The following ZFHX3 variants were observed in gnomAD, a reference collection of about 807,000 sequenced individuals.
ZFHX3 encodes zinc finger homeobox 3.
Under a neutral mutation model 279.1 loss-of-function variants are expected in ZFHX3, and 42 were observed. The observed-to-expected ratio is 0.15, with a 90% CI of 0.12 to 0.19. The LOEUF (loss-of-function observed/expected upper bound fraction) is 0.19, where lower values mean the gene tolerates loss of function less well. Among genes scored for constraint, ZFHX3 ranks in the 10% least tolerant of loss-of-function variants. The pLI is 1.00. For missense variants in ZFHX3, 4,981 were observed against 4,754.0 expected (o/e 1.05, Z -1.40); for synonymous variants, 2,293 against 1,957.8 (o/e 1.17, Z -4.52).
intron 2 of ZFHX3, among the ~76,000 whole-genome samples, chr16:73,668,252 A>C (rs1196607859): frequency 6.6e-6 from 1 of 152,058 alleles, no homozygotes; most frequent in Non-Finnish European, 1.5e-5. Context: ...GAGTTCATTC[A>C]TGTCTACCTA....
chr16:73,637,123 T>A (rs1343849988), intron 2 of ZFHX3, among the ~76,000 whole-genome samples: 1 of 152,016 alleles, frequency 6.6e-6, no homozygotes, highest in African/African-American at 2.4e-5. Context: ...TATAATTTAA[T>A]GTGGCATTTC....
At chr16:72,979,412 C>T (rs1962492326) in intron 1 of ZFHX3, among the ~76,000 whole-genome samples, 1 of 152,192 alleles carries the variant, frequency 6.6e-6, no homozygotes, top group Non-Finnish European at 1.5e-5. Flanking sequence ...AGGTGGCTCT[C>T]CAGACCTCCA....
At chr16:73,771,558 C>T (rs1316154956) in intron 1 of ZFHX3, among the ~76,000 whole-genome samples, 1 of 152,188 alleles carries the variant, frequency 6.6e-6, no homozygotes, top group East Asian at 1.9e-4. Context: ...TCCTCTGAGG[C>T]TGCTGCACAC....
chr16:73,111,889 G>A (rs748449586), intron 7 of ZFHX3, among the ~76,000 whole-genome samples: 2 of 152,122 alleles, frequency 1.3e-5, no homozygotes, highest in Non-Finnish European at 2.9e-5. Flanking sequence ...ATGGGAAAAC[G>A]AGGTTTAACA....
intron 4 of ZFHX3, among the ~76,000 whole-genome samples, chr16:73,260,903 C>T (rs568718924): frequency 3.9e-5 from 6 of 152,094 alleles, no homozygotes; most frequent in East Asian, 1.9e-4. Context: ...AGGCTGGTCT[C>T]GAACTCCTGA....
chr16:73,627,512 T>C (rs924335229), intron 2 of ZFHX3, among the ~76,000 whole-genome samples: 9 of 152,248 alleles, frequency 5.9e-5, no homozygotes, highest in African/African-American at 2.2e-4. Flanking sequence ...TTAATTCTTA[T>C]GATTTGAACT....
intron 4 of ZFHX3, among the ~76,000 whole-genome samples, chr16:73,306,014 T>C (rs1007993459): frequency 6.6e-6 from 1 of 152,198 alleles, no homozygotes. Context: ...TCTGGCTCAG[T>C]GGAACCCGCA....
At chr16:73,352,937 G>C (rs2016274603) in intron 3 of ZFHX3, among the ~76,000 whole-genome samples, 4 of 152,152 alleles carry the variant, frequency 2.6e-5, no homozygotes, top group African/African-American at 2.4e-5. Context: ...TCCCAAGCCT[G>C]TGTGTGTGCC....
intron 1 of ZFHX3, among the ~76,000 whole-genome samples, chr16:73,867,673 G>A (rs1056680666): frequency 2.0e-5 from 3 of 152,192 alleles, no homozygotes; most frequent in African/African-American, 7.2e-5. Flanking sequence ...AGAAGGTATA[G>A]TGGACACCTA....
At chr16:73,509,255 C>G (rs537024603) in intron 2 of ZFHX3, among the ~76,000 whole-genome samples, 1 of 152,138 alleles carries the variant, frequency 6.6e-6, no homozygotes, top group Non-Finnish European at 1.5e-5. Context: ...GCCATTAAAA[C>G]CCAGATCCCT....
At chr16:72,870,324 G>A (rs2038123973) in intron 4 of ZFHX3, among the ~76,000 whole-genome samples, 1 of 152,020 alleles carries the variant, frequency 6.6e-6, no homozygotes, top group Admixed American at 6.6e-5. Context: ...CCCAGGAGGT[G>A]GAGGTTGCAG....
chr16:73,487,175 G>A (rs554302267), intron 2 of ZFHX3, among the ~76,000 whole-genome samples: 3 of 152,326 alleles, frequency 2.0e-5, no homozygotes, highest in African/African-American at 7.2e-5. Flanking sequence ...TAGGGAGAGT[G>A]CTAGGGCAGA....
chr16:73,540,516 AG>A (rs1214841175), intron 2 of ZFHX3, among the ~76,000 whole-genome samples: 1 of 152,228 alleles, frequency 6.6e-6, no homozygotes, highest in Non-Finnish European at 1.5e-5. Flanking sequence ...CAGAGAAAAA[AG>A]ATCAATCATT....
intron 5 of ZFHX3, among the ~76,000 whole-genome samples, chr16:73,227,109 G>A (rs73597355): frequency 0.031 from 4,719 of 152,228 alleles, 256 homozygotes; most frequent in African/African-American, 0.11. Flanking sequence ...TAATAGCACT[G>A]TAAGAAGATA....
At position 73,676,346 on chromosome 16, in the gene ZFHX3, T is replaced by G. The variant is rs532588118; in HGVS notation, c.-1547+3834A>C. Among the ~76,000 whole-genome samples, 12 of 152,124 alleles carry G rather than the reference T, an allele frequency of 7.9e-5. No individual in the cohort carries two copies. In the South Asian group the frequency reaches 2.3e-3, roughly 29 times the overall value. ...CTGGAGAGAGCAATGGAATGTATGT[T>G]GCAGGGTGGGGGAGATGAGAAGTAT... On this transcript the variant is annotated intron_variant, in intron 2 of 17. Coordinates refer to the ZFHX3 transcript ENST00000641206.
chr16:73,067,838 C>G (rs1965774363), intron 8 of ZFHX3, among the ~76,000 whole-genome samples: 1 of 152,160 alleles, frequency 6.6e-6, no homozygotes. Flanking sequence ...AAGCTTCCCC[C>G]AAAGGAATAG....
chr16:73,624,388 C>T (rs2052396152), intron 2 of ZFHX3, among the ~76,000 whole-genome samples: 1 of 151,996 alleles, frequency 6.6e-6, no homozygotes, highest in Admixed American at 6.5e-5. Flanking sequence ...AAAGACCTGC[C>T]GTGTGCTAAG....
intron 1 of ZFHX3, among the ~76,000 whole-genome samples, chr16:73,691,636 T>A (rs534810478): frequency 1.3e-5 from 2 of 152,356 alleles, no homozygotes; most frequent in African/African-American, 4.8e-5. Context: ...GGATAGATTC[T>A]ATAAATATTC....
chr16:73,058,689 G>A, exon 1 of ZFHX3: 1 of 226,656 alleles, frequency 4.4e-6, no homozygotes, highest in South Asian at 1.6e-4. Flanking sequence ...GGCGGAGGAC[G>A]CGCTGCTGGC....
Sources: gnomAD v4.1 joint callset for allele counts (sites outside exome capture counted in the v4.1 genomes callset) on GRCh38, gnomAD v4.1.1 for gene constraint, MANE v1.5 for transcripts, NCBI Gene and HGNC (gene_info 2026-07-23, HGNC 2026-07-21) for gene names.